FRMD1: variants seen among roughly 807,000 people sequenced by gnomAD.
FRMD1 encodes FERM domain containing 1.
In FRMD1, 51 loss-of-function variants were observed where a neutral mutation model predicts 54.9. The observed-to-expected ratio is 0.93, with a 90% confidence interval of 0.74 to 1.17. The LOEUF is 1.17. FRMD1 is among the 50% of genes most tolerant of loss of function. The pLI is 0.00. For missense variants in FRMD1, 729 were observed against 743.0 expected, an observed-to-expected ratio of 0.98 and a Z score of 0.22; for synonymous variants, 324 against 306.4, an observed-to-expected ratio of 1.06 and a Z score of -0.60.
intron 1 of FRMD1, among the ~76,000 whole-genome samples, chr6:168,091,067 T>C (rs1801008534): frequency 1.3e-5 from 2 of 152,208 alleles, no homozygotes; most frequent in Non-Finnish European, 2.9e-5. Context: ...TGGGGGGTTA[T>C]GAATGTGAAC....
intron 5 of FRMD1, among the ~76,000 whole-genome samples, chr6:168,064,504 T>TA (rs140868625): frequency 0.047 from 7,220 of 152,044 alleles, 181 homozygotes; most frequent in African/African-American, 0.072. Context: ...CCAGGATACT[T>TA]AGAGAGAAGC....
chr6:168,061,146 A>G, intron 8 of FRMD1, 89 bp from the exon 9 acceptor site: 13 of 1,313,792 alleles, frequency 9.9e-6, no homozygotes, highest in South Asian at 1.4e-5. Flanking sequence ...ACAGAAATGC[A>G]CACCCACAGC....
intron 2 of FRMD1, among the ~76,000 whole-genome samples, chr6:168,069,006 T>C (rs1269899367): frequency 6.6e-6 from 1 of 152,254 alleles, no homozygotes; most frequent in East Asian, 1.9e-4. Context: ...AGTTTACTTT[T>C]GTGTCAGGGA....
upstream of FRMD1, among the ~76,000 whole-genome samples, chr6:168,082,881 G>A (rs1053637466): frequency 3.3e-5 from 5 of 152,290 alleles, no homozygotes; most frequent in African/African-American, 1.2e-4. Context: ...AGGGCCTGGG[G>A]CAAGGTGGGC....
intron 9 of FRMD1, 70 bp downstream of exon 9, chr6:168,060,691 G>T: frequency 6.6e-7 from 1 of 1,504,636 alleles, no homozygotes. Flanking sequence ...GGTGTCCAGG[G>T]TCAGCCAAGC....
intron 2 of FRMD1, among the ~76,000 whole-genome samples, chr6:168,071,913 C>T (rs1220475314): frequency 6.6e-6 from 1 of 152,242 alleles, no homozygotes; most frequent in Non-Finnish European, 1.5e-5. Context: ...GGACCCCTGC[C>T]TCCTGCCTCC....
chr6:168,086,026 C>T (rs1562435160), upstream of FRMD1, among the ~76,000 whole-genome samples: 1 of 152,254 alleles, frequency 6.6e-6, no homozygotes, highest in African/African-American at 2.4e-5. Context: ...ACACATTAAA[C>T]AGAGTGGCCC....
rs779694194 is a variant in FRMD1 at position 168,063,683 on chromosome 6, C to A, written c.722G>T (p.Ser241Ile). Residue 241 changes from serine to isoleucine, a missense_variant, in exon 6 of 11, where the codon AGC becomes ATC. Ser to Ile is a moderately radical substitution (Grantham distance 142, BLOSUM62 -2). Coordinates refer to ENST00000283309, the MANE Select transcript of FRMD1 (RefSeq NM_024919.6). ...PTLHRERQGL[S>I]PKEAMLCFIQ... ...GAAGCACAGCATGGCCTCCTTGGGGCTCAGGCCCTGGCGCTCACGGTGCAG... is the reference window on the plus strand; with the variant it reads ...GAAGCACAGCATGGCCTCCTTGGGGATCAGGCCCTGGCGCTCACGGTGCAG... The A allele has an allele frequency of 1.1e-5, 17 of 1,613,792 alleles. 1 individual carries two copies. Among genetic ancestry groups the A allele is most frequent in the African/African-American group, 1.3e-5 (1 of 74,938 alleles).
chr6:168,060,663 C>A, intron 9 of FRMD1, 98 bp downstream of exon 9: 1 of 1,285,808 alleles, frequency 7.8e-7, no homozygotes, highest in Non-Finnish European at 1.1e-6. Context: ...GGAGGGCAGG[C>A]CAGGGCTTTG....
At chr6:168,092,473 A>AG (rs1026386824) in intron 1 of FRMD1, among the ~76,000 whole-genome samples, 1 of 151,690 alleles carries the variant, frequency 6.6e-6, no homozygotes, top group Admixed American at 6.6e-5. Flanking sequence ...CCTGTATAAG[A>AG]GAGACCCTCC....
chr6:168,068,223 A>C (rs1800141783), intron 2 of FRMD1, among the ~76,000 whole-genome samples: 1 of 152,224 alleles, frequency 6.6e-6, no homozygotes, highest in South Asian at 2.1e-4. Context: ...GTTTCCCTGG[A>C]AACTATAAGA....
At chr6:168,063,027 T>C in intron 6 of FRMD1, 68 bp from the exon 7 acceptor site, 1 of 1,351,282 alleles carries the variant, frequency 7.4e-7, no homozygotes, top group South Asian at 1.2e-5. Context: ...TGGCAGAGTA[T>C]GGTCAGTCTG....
chr6:168,061,155 G>A, intron 8 of FRMD1, 98 bp from the exon 9 acceptor site: 1 of 1,205,080 alleles, frequency 8.3e-7, no homozygotes, highest in Non-Finnish European at 1.1e-6. Flanking sequence ...CACACCCACA[G>A]CCCAGATGAG....
At chr6:168,069,188 A>C (rs568411895) in intron 2 of FRMD1, among the ~76,000 whole-genome samples, 1 of 152,282 alleles carries the variant, frequency 6.6e-6, no homozygotes, top group Admixed American at 6.5e-5. Flanking sequence ...AGTCTAGGGG[A>C]GTCCCCACCC....
chr6:168,059,036 G>A lies in FRMD1; in HGVS notation c.1407+88C>T. On this transcript the variant is annotated intron_variant, in intron 10 of 10. Coordinates refer to ENST00000283309, the MANE Select transcript of FRMD1 (RefSeq NM_024919.6). The surrounding 1 kb of genome is among the most constrained non-coding windows in gnomAD (Gnocchi z 4.4). ...TCGAGGGACCCTCTGATAGGCCTAGGAAGGTCCCCAGGGCCCCTGACAGGG... is the reference window on the plus strand; with the variant it reads ...TCGAGGGACCCTCTGATAGGCCTAGAAAGGTCCCCAGGGCCCCTGACAGGG... 1 of 1,049,730 alleles carries A rather than the reference G, an allele frequency of 9.5e-7. No individual in the cohort carries two copies. The highest frequency in any genetic ancestry group is 1.4e-6 in the Non-Finnish European group (1 of 709,594). 65.0% of individuals were successfully genotyped at this position (1,049,730 alleles called of 1,614,324 possible).
chr6:168,068,462 A>G (rs1383701616), intron 2 of FRMD1, among the ~76,000 whole-genome samples: 3 of 152,144 alleles, frequency 2.0e-5, no homozygotes, highest in Non-Finnish European at 2.9e-5. Context: ...TAGAGTTTGC[A>G]TGTACCCTAT....
chr6:168,070,695 T>A (rs2114995321), intron 2 of FRMD1, among the ~76,000 whole-genome samples: 1 of 152,268 alleles, frequency 6.6e-6, no homozygotes, highest in South Asian at 2.1e-4. Context: ...ACACACACAC[T>A]ATCTGTAGAG....
intron 5 of FRMD1, 46 bp from the exon 6 acceptor site, chr6:168,063,802 C>G (rs1353630272): frequency 7.1e-6 from 11 of 1,552,004 alleles, no homozygotes; most frequent in African/African-American, 2.8e-5. Context: ...GCTGGTCCCC[C>G]CTTCCTCCTT....
chr6:168,063,513 G>A, intron 6 of FRMD1, 88 bp downstream of exon 6: 2 of 1,393,286 alleles, frequency 1.4e-6, no homozygotes, highest in South Asian at 1.5e-5. Context: ...CCTGCCCTGG[G>A]GTCCTGATCC....
Sources: allele counts gnomAD v4.1 joint callset (sites outside exome capture counted in the v4.1 genomes callset), GRCh38; gene constraint gnomAD v4.1.1; non-coding constraint Gnocchi (gnomAD v3.1); transcripts MANE v1.5; gene names NCBI Gene and HGNC (gene_info 2026-07-23, HGNC 2026-07-21).